MAGI2: variants seen among roughly 807,000 people sequenced by gnomAD.
MAGI2 encodes membrane associated guanylate kinase, WW and PDZ domain containing 2, also known as membrane-associated guanylate kinase, WW and PDZ domain-containing protein 2.
A neutral mutation model predicts 133.3 loss-of-function variants in MAGI2; 35 were observed. The observed-to-expected ratio is 0.26, with a 90% CI of 0.20 to 0.35. MAGI2 has a LOEUF of 0.35. MAGI2 is among the 10% of genes least tolerant of loss of function. The probability of loss-of-function intolerance (pLI) is 1.00; values close to 1 mark genes in which losing one functional copy is unlikely to be tolerated. For missense variants in MAGI2, 1,636 were observed against 1,863.4 expected (o/e 0.88, Z 2.25); for synonymous variants, 729 against 710.6 (o/e 1.03, Z -0.41).
At chr7:78,496,263 T>C (rs1025590618) in intron 5 of MAGI2, among the ~76,000 whole-genome samples, 3 of 152,186 alleles carry the variant, frequency 2.0e-5, no homozygotes, top group African/African-American at 4.8e-5. Context: ...TTTTCACAGA[T>C]GTGATTTTCG....
intron 1 of MAGI2, among the ~76,000 whole-genome samples, chr7:79,382,153 C>A (rs535604651): frequency 5.9e-5 from 9 of 151,600 alleles, no homozygotes; most frequent in Non-Finnish European, 1.2e-4. Context: ...CATTTTTATG[C>A]TCAACCATAA....
intron 2 of MAGI2, among the ~76,000 whole-genome samples, chr7:78,927,155 G>T (rs1799763189): frequency 6.6e-6 from 1 of 151,984 alleles, no homozygotes; most frequent in Admixed American, 6.6e-5. Context: ...CTGAAGTTGG[G>T]CATCAGGAAA....
chr7:78,941,455 T>C (rs1425183031), intron 2 of MAGI2, among the ~76,000 whole-genome samples: 6 of 152,134 alleles, frequency 3.9e-5, no homozygotes, highest in African/African-American at 1.4e-4. Context: ...GTTCAAGTGA[T>C]TCTTGTGCCT....
At chr7:79,332,256 T>C (rs1445579055) in intron 1 of MAGI2, among the ~76,000 whole-genome samples, 22 of 152,236 alleles carry the variant, frequency 1.4e-4, no homozygotes, top group Admixed American at 1.4e-3. Context: ...CAATTCCTGT[T>C]AATGTGGTCT....
intron 6 of MAGI2, among the ~76,000 whole-genome samples, chr7:78,436,489 G>T (rs1003967130): frequency 4.6e-5 from 7 of 152,204 alleles, no homozygotes; most frequent in African/African-American, 1.7e-4. Flanking sequence ...CATTTGAAGA[G>T]GGTGAGGCTC....
At chr7:78,687,969 T>TTAAAAAAAA (rs1816525284) in intron 2 of MAGI2, among the ~76,000 whole-genome samples, 1 of 67,226 alleles carries the variant, frequency 1.5e-5, no homozygotes, top group Non-Finnish European at 2.8e-5. Flanking sequence ...GTCCTTGCCT[T>TTAAAAAAAA]AAAAAAAAAA....
intron 2 of MAGI2, among the ~76,000 whole-genome samples, chr7:78,806,585 G>A (rs539882915): frequency 1.6e-4 from 24 of 152,000 alleles, no homozygotes; most frequent in African/African-American, 5.8e-4. Context: ...TTTATGATGG[G>A]GCCATCAAGG....
At chr7:78,931,998 C>A (rs114992927) in intron 2 of MAGI2, among the ~76,000 whole-genome samples, 2,287 of 77,104 alleles carry the variant, frequency 0.03, 19 homozygotes, top group African/African-American at 0.061. Flanking sequence ...AAAAGGAAGG[C>A]AAAAAAAAAA....
At chr7:78,263,094 C>A (rs986704691) in intron 9 of MAGI2, among the ~76,000 whole-genome samples, 1 of 152,124 alleles carries the variant, frequency 6.6e-6, no homozygotes, top group Non-Finnish European at 1.5e-5. Flanking sequence ...ATTTTCTGTT[C>A]TTGTGTTAAC....
At chr7:78,089,131 A>G (rs1816933820) in intron 20 of MAGI2, among the ~76,000 whole-genome samples, 1 of 152,248 alleles carries the variant, frequency 6.6e-6, no homozygotes. Flanking sequence ...ACCCAGTGAA[A>G]CAAACCGATT....
chr7:78,649,858 G>A (rs1440646312), intron 2 of MAGI2, among the ~76,000 whole-genome samples: 2 of 151,000 alleles, frequency 1.3e-5, no homozygotes, highest in Non-Finnish European at 3.0e-5. Flanking sequence ...AATGCTAATC[G>A]CATGAAAGTG....
chr7:78,662,836 A>G (rs1813121812), intron 2 of MAGI2, among the ~76,000 whole-genome samples: 1 of 152,206 alleles, frequency 6.6e-6, no homozygotes, highest in Non-Finnish European at 1.5e-5. Context: ...TACAATAACT[A>G]TAAGTGCTCA....
intron 2 of MAGI2, among the ~76,000 whole-genome samples, chr7:78,880,284 A>G (rs1462887539): frequency 6.6e-6 from 1 of 152,228 alleles, no homozygotes; most frequent in Non-Finnish European, 1.5e-5. Flanking sequence ...AGACTGGCCA[A>G]GATCAGCACG....
At chr7:78,220,848 G>T (rs1320331350) in intron 10 of MAGI2, among the ~76,000 whole-genome samples, 1 of 152,204 alleles carries the variant, frequency 6.6e-6, no homozygotes, top group Non-Finnish European at 1.5e-5. Flanking sequence ...GTCCTGCTGT[G>T]TTAGGAAAAC....
intron 9 of MAGI2, among the ~76,000 whole-genome samples, chr7:78,260,899 A>C (rs1267589194): frequency 6.6e-6 from 1 of 152,146 alleles, no homozygotes; most frequent in Non-Finnish European, 1.5e-5. Context: ...AGTCATGGGA[A>C]TCAAAATACA....
At chr7:78,321,968 T>G (rs1214338162) in intron 9 of MAGI2, among the ~76,000 whole-genome samples, 1 of 151,924 alleles carries the variant, frequency 6.6e-6, no homozygotes. Context: ...ATATGAACAC[T>G]TCTCAAAAGA....
chr7:78,617,202 T>G (rs2150928158), intron 3 of MAGI2: 1 of 152,138 alleles, frequency 6.6e-6, no homozygotes, highest in African/African-American at 2.4e-5. Flanking sequence ...CAAGATCCTG[T>G]GTGGGTAGGA....
chr7:78,209,475 A>G (rs913171511), intron 10 of MAGI2, among the ~76,000 whole-genome samples: 1 of 151,530 alleles, frequency 6.6e-6, no homozygotes, highest in African/African-American at 2.4e-5. Context: ...GTTGGCCAGG[A>G]TGGTCTTGAT....
At chr7:78,852,627 T>C (rs1187079104) in intron 2 of MAGI2, among the ~76,000 whole-genome samples, 1 of 152,206 alleles carries the variant, frequency 6.6e-6, no homozygotes, top group East Asian at 1.9e-4. Context: ...CTTAAGATTT[T>C]AACACAACAC....
Sources: gnomAD v4.1 joint callset for allele counts (sites outside exome capture counted in the v4.1 genomes callset) on GRCh38, gnomAD v4.1.1 for gene constraint, MANE v1.5 for transcripts, NCBI Gene and HGNC (gene_info 2026-07-23, HGNC 2026-07-21) for gene names.